The following CSMD1 variants were observed in gnomAD, a reference collection of about 807,000 sequenced individuals.
CSMD1 encodes the protein CUB and sushi domain-containing protein 1.
CSMD1 carries 213 observed loss-of-function variants against 417.5 expected under a neutral mutation model. The ratio of observed to expected loss-of-function variants is 0.51; its 90% CI spans 0.46 to 0.57. The LOEUF is 0.57. Among genes scored for constraint, CSMD1 ranks in the 20% least tolerant of loss-of-function variants. The probability of loss-of-function intolerance (pLI) is 0.00; values close to 1 mark genes in which losing one functional copy is unlikely to be tolerated. For synonymous variants in CSMD1, 2,862 were observed against 1,736.8 expected (o/e 1.65, Z -16.11); for missense variants, 6,923 against 4,529.7 (o/e 1.53, Z -15.17).
At chr8:3,395,794 C>T (rs561630895) in intron 17 of CSMD1, among the ~76,000 whole-genome samples, 1 of 152,156 alleles carries the variant, frequency 6.6e-6, no homozygotes, top group South Asian at 2.1e-4. Flanking sequence ...TTGACCTAAC[C>T]CTGTTTTTCT....
chr8:4,690,548 C>G (rs1483952458), intron 1 of CSMD1, among the ~76,000 whole-genome samples: 1 of 152,098 alleles, frequency 6.6e-6, no homozygotes, highest in Admixed American at 6.6e-5. Context: ...CATGACACAT[C>G]GCACTTCAGA....
intron 23 of CSMD1, among the ~76,000 whole-genome samples, chr8:3,329,314 T>A (rs756713266): frequency 6.6e-6 from 1 of 152,026 alleles, no homozygotes; most frequent in Admixed American, 6.6e-5. Context: ...GCCGGACCCC[T>A]AAGAGCAGGC....
At chr8:3,867,758 C>T (rs1180517927) in intron 5 of CSMD1, among the ~76,000 whole-genome samples, 1 of 152,118 alleles carries the variant, frequency 6.6e-6, no homozygotes, top group Non-Finnish European at 1.5e-5. Flanking sequence ...AGGAACCCTC[C>T]TCCCAGGGCC....
chr8:3,178,225 T>C (rs1047454753), intron 37 of CSMD1, among the ~76,000 whole-genome samples: 7 of 152,164 alleles, frequency 4.6e-5, no homozygotes, highest in Non-Finnish European at 1.0e-4. Flanking sequence ...TGGTTTTTGT[T>C]TGAGAAATTT....
chr8:4,414,988 A>C (rs981040432), intron 3 of CSMD1, among the ~76,000 whole-genome samples: 1 of 152,168 alleles, frequency 6.6e-6, no homozygotes, highest in East Asian at 1.9e-4. Flanking sequence ...AAAAGCCAAA[A>C]TGTGATAAAT....
chr8:4,488,514 A>T (rs1320255505), intron 2 of CSMD1, among the ~76,000 whole-genome samples: 1 of 152,112 alleles, frequency 6.6e-6, no homozygotes, highest in Admixed American at 6.5e-5. Context: ...TGAATCAAAC[A>T]TTGGATTTCT....
chr8:4,002,081 G>C (rs1585112174), intron 4 of CSMD1, among the ~76,000 whole-genome samples: 1 of 152,096 alleles, frequency 6.6e-6, no homozygotes, highest in Non-Finnish European at 1.5e-5. Flanking sequence ...TAGTCTGATT[G>C]ATTAATTGAA....
intron 2 of CSMD1, among the ~76,000 whole-genome samples, chr8:4,426,803 T>C (rs1000174982): frequency 8.0e-5 from 12 of 149,484 alleles, no homozygotes; most frequent in African/African-American, 1.5e-4. Context: ...TATAGAAATA[T>C]AGTATGTAAT....
chr8:4,019,854 C>T (rs1796702354), intron 4 of CSMD1, among the ~76,000 whole-genome samples: 1 of 150,722 alleles, frequency 6.6e-6, no homozygotes, highest in South Asian at 2.1e-4. Flanking sequence ...GAGCCCCAAA[C>T]CATTTCTCTC....
chr8:4,171,697 T>G lies in CSMD1; in HGVS notation c.416-139598A>C, dbSNP rs149935416. Among the ~76,000 whole-genome samples the G allele has an allele frequency of 7.7e-4, 116 of 149,902 alleles. 1 individual carries two copies. The highest frequency in any genetic ancestry group is 2.8e-3 in the African/African-American group (108 of 39,220). On this transcript the variant is annotated intron_variant, in intron 3 of 69. Transcript: ENST00000635120. ...TAGAATATTTAGAACAAAGTTAATT[T>G]GCTTATTCTGATATTTATGTGCCAA...
At chr8:4,038,333 C>G (rs1211857963) in intron 3 of CSMD1, among the ~76,000 whole-genome samples, 1 of 151,994 alleles carries the variant, frequency 6.6e-6, no homozygotes, top group Non-Finnish European at 1.5e-5. Flanking sequence ...TATTATAAAT[C>G]CATTAGCAAT....
At chr8:4,644,169 G>C (rs7014444) in intron 1 of CSMD1, among the ~76,000 whole-genome samples, 8,903 of 152,214 alleles carry the variant, frequency 0.058, 348 homozygotes, top group South Asian at 0.12. Flanking sequence ...TACCCGGTTT[G>C]TATCACTCCA....
chr8:4,122,045 C>G (rs1329391204), intron 3 of CSMD1, among the ~76,000 whole-genome samples: 1 of 151,850 alleles, frequency 6.6e-6, no homozygotes, highest in Non-Finnish European at 1.5e-5. Context: ...TGTATAACTA[C>G]ATGTTCCTTT....
intron 6 of CSMD1, among the ~76,000 whole-genome samples, chr8:3,741,534 C>T (rs1473074151): frequency 6.6e-6 from 1 of 152,160 alleles, no homozygotes; most frequent in Non-Finnish European, 1.5e-5. Context: ...TTAGTAGGCA[C>T]ATTTATTTCT....
intron 18 of CSMD1, among the ~76,000 whole-genome samples, chr8:3,383,726 C>T (rs1810787946): frequency 6.6e-6 from 1 of 151,822 alleles, no homozygotes; most frequent in African/African-American, 2.4e-5. Flanking sequence ...AAGATAAACG[C>T]ATGTGACCCA....
At chr8:4,064,863 T>C (rs923913306) in intron 3 of CSMD1, among the ~76,000 whole-genome samples, 1 of 152,154 alleles carries the variant, frequency 6.6e-6, no homozygotes, top group South Asian at 2.1e-4. Flanking sequence ...ACTGTGTTTG[T>C]AATGTGTGTA....
chr8:4,461,800 G>A (rs144571458), intron 2 of CSMD1, among the ~76,000 whole-genome samples: 20 of 146,954 alleles, frequency 1.4e-4, no homozygotes, highest in African/African-American at 4.8e-4. Context: ...GAGTGCAGTA[G>A]TACGATCTCA....
intron 1 of CSMD1, among the ~76,000 whole-genome samples, chr8:4,645,212 G>C (rs1186314325): frequency 6.6e-6 from 1 of 151,702 alleles, no homozygotes; most frequent in South Asian, 2.1e-4. Flanking sequence ...TCTAGACAGG[G>C]GTCATCATTC....
intron 7 of CSMD1, among the ~76,000 whole-genome samples, chr8:3,678,678 C>T (rs1157775819): frequency 3.9e-5 from 6 of 152,028 alleles, no homozygotes; most frequent in Non-Finnish European, 7.4e-5. Flanking sequence ...ATTCAGGAAA[C>T]ACAGAGGACG....
Sources: gnomAD v4.1 joint callset for allele counts (sites outside exome capture counted in the v4.1 genomes callset) on GRCh38, gnomAD v4.1.1 for gene constraint, MANE v1.5 for transcripts, NCBI Gene and HGNC (gene_info 2026-07-23, HGNC 2026-07-21) for gene names.